WDHD1: variants seen among roughly 807,000 people sequenced by gnomAD.
WDHD1 encodes WD repeat and HMG-box DNA-binding protein 1.
In WDHD1, 111 loss-of-function variants were observed where a neutral mutation model predicts 135.4. That is an observed-to-expected ratio of 0.82 (90% CI 0.70 to 0.96). The LOEUF is 0.96. Among genes scored for constraint, WDHD1 ranks in the 40% least tolerant of loss-of-function variants. WDHD1 has a pLI of 0.00. For synonymous variants in WDHD1, 434 were observed against 439.0 expected, an observed-to-expected ratio of 0.99 and a Z score of 0.14; for missense variants, 1,351 against 1,336.3, an observed-to-expected ratio of 1.01 and a Z score of -0.17.
At chr14:54,977,386 A>G (rs1052606092) in intron 16 of WDHD1, among the ~76,000 whole-genome samples, 1 of 152,206 alleles carries the variant, frequency 6.6e-6, no homozygotes, top group Non-Finnish European at 1.5e-5. Flanking sequence ...ATTTGTAAAT[A>G]CAATTTTATA....
At chr14:55,017,671 G>T (rs1461060163) in intron 2 of WDHD1, among the ~76,000 whole-genome samples, 2 of 152,122 alleles carry the variant, frequency 1.3e-5, no homozygotes, top group East Asian at 3.9e-4. Flanking sequence ...ACTATATTAG[G>T]AAATCTGTGA....
At chr14:54,992,409 G>A (rs1483563996) in intron 11 of WDHD1, among the ~76,000 whole-genome samples, 1 of 152,160 alleles carries the variant, frequency 6.6e-6, no homozygotes, top group Non-Finnish European at 1.5e-5. Context: ...AGAATCACTT[G>A]TACCCAGAGG....
chr14:55,015,335 C>T (rs1332742813), intron 2 of WDHD1, among the ~76,000 whole-genome samples: 2 of 128,772 alleles, frequency 1.6e-5, no homozygotes, highest in Non-Finnish European at 1.6e-5. Context: ...TGCAGTGAGC[C>T]GAGATCGCAC....
chr14:54,995,114 T>C (rs1052534024), intron 11 of WDHD1, among the ~76,000 whole-genome samples: 3 of 152,162 alleles, frequency 2.0e-5, no homozygotes, highest in African/African-American at 4.8e-5. Flanking sequence ...CCTGAGTAGC[T>C]GGGATTACAG....
chr14:55,022,681 A>G (rs1201913885), intron 2 of WDHD1, among the ~76,000 whole-genome samples: 1 of 150,906 alleles, frequency 6.6e-6, no homozygotes, highest in Non-Finnish European at 1.5e-5. Flanking sequence ...CTCCATCTCA[A>G]AAAAACAAAA....
intron 7 of WDHD1, 46 bp downstream of exon 7, chr14:55,007,234 A>AT: frequency 3.3e-6 from 4 of 1,221,680 alleles, no homozygotes; most frequent in Admixed American, 2.5e-5. Context: ...TCTCTAATAA[A>AT]AAAAAAAAAA....
At chr14:55,002,640 C>T (rs1321689708) in intron 7 of WDHD1, among the ~76,000 whole-genome samples, 1 of 151,972 alleles carries the variant, frequency 6.6e-6, no homozygotes, top group Non-Finnish European at 1.5e-5. Context: ...CAGTCTTGCT[C>T]TGTCACCCAG....
intron 10 of WDHD1, among the ~76,000 whole-genome samples, chr14:54,997,631 G>A (rs2041905111): frequency 6.6e-6 from 1 of 152,114 alleles, no homozygotes; most frequent in Admixed American, 6.5e-5. Flanking sequence ...AAAATGGGGA[G>A]GCCGGGCATG....
At chr14:55,010,593 T>A in intron 3 of WDHD1, 133 bp from the exon 4 acceptor site, 1 of 785,420 alleles carries the variant, frequency 1.3e-6, no homozygotes, top group Non-Finnish European at 1.8e-6. Flanking sequence ...AAATTATCAC[T>A]AAATGTACAA....
intron 15 of WDHD1, among the ~76,000 whole-genome samples, chr14:54,982,637 A>T (rs949024465): frequency 1.3e-5 from 2 of 152,174 alleles, no homozygotes; most frequent in Non-Finnish European, 2.9e-5. Flanking sequence ...TGCAAACATT[A>T]GTTTCCGCAG....
chr14:55,017,536 T>C (rs1437301854), intron 2 of WDHD1, among the ~76,000 whole-genome samples: 2 of 152,070 alleles, frequency 1.3e-5, no homozygotes, highest in East Asian at 3.9e-4. Context: ...AGAGATGGGG[T>C]TTCACCATGT....
chr14:54,972,090 G>C (rs1485161142), intron 16 of WDHD1, among the ~76,000 whole-genome samples: 1 of 151,910 alleles, frequency 6.6e-6, no homozygotes, highest in East Asian at 1.9e-4. Flanking sequence ...GGCTAACACA[G>C]TGAAACCCTG....
At position 55,018,684 on chromosome 14, in the gene WDHD1, T is replaced by G. The variant is rs151005525; in HGVS notation, c.78-5088A>C. On this transcript the variant is annotated intron_variant, in intron 2 of 25. Coordinates refer to ENST00000360586, the MANE Select transcript of WDHD1 (RefSeq NM_007086.4). The stretch of plus-strand genomic sequence containing the variant: ...TTCAATTAAAACAAATTCTTAAAAA[T>G]TATGACTCTCCCAGCTAGTAGAATT... Among the ~76,000 whole-genome samples, 1,419 of 152,334 alleles carry G rather than the reference T, an allele frequency of 9.3e-3. 31 individuals are homozygous for G. The highest frequency in any genetic ancestry group is 0.032 in the African/African-American group (1,340 of 41,576).
Position 54,941,430 on chromosome 14 carries a change from G to C in WDHD1, c.*60C>G. The C allele has an allele frequency of 7.1e-7, 1 of 1,405,992 alleles. No homozygotes were observed. The highest frequency in any genetic ancestry group is 9.7e-7 in the Non-Finnish European group (1 of 1,030,092). The allele number at this position is 1,405,992 out of a possible 1,614,324, so 87.1% of individuals were successfully genotyped here. The stretch of plus-strand genomic sequence containing the variant: ...TATAATGAGTTTCCCAAAGACTCGA[G>C]TCTATATTCAAAGATGAGTAAAAAA... On this transcript the variant is annotated 3_prime_UTR_variant, in exon 26 of 26. Coordinates refer to ENST00000360586, the MANE Select transcript of WDHD1 (RefSeq NM_007086.4).
chr14:54,967,470 A>G lies in WDHD1; in HGVS notation c.2064-76T>C, dbSNP rs936735640. 3.1e-6 allele frequency: 3 copies of G among 978,304 alleles called. No individual in the cohort carries two copies. The African/African-American group carries it at 5.0e-5, about 16-fold the overall frequency. The allele number at this position is 978,304 out of a possible 1,614,324, so 60.6% of individuals were successfully genotyped here. A position where few individuals can be genotyped will look rare whatever the true frequency, so the allele number is the denominator to read the frequency against. On this transcript the variant is annotated intron_variant, in intron 16 of 25. Coordinates refer to ENST00000360586, the MANE Select transcript of WDHD1 (RefSeq NM_007086.4). Reference sequence around the variant, plus strand: ...AACTACAAAATTTAAAAAGTTTTCAAAAGTTAGTAACTTAGAATAGTAATA... The same window carrying G: ...AACTACAAAATTTAAAAAGTTTTCAGAAGTTAGTAACTTAGAATAGTAATA...
intron 2 of WDHD1, among the ~76,000 whole-genome samples, chr14:55,024,214 A>G (rs780255746): frequency 1.1e-4 from 16 of 152,194 alleles, no homozygotes; most frequent in Non-Finnish European, 2.1e-4. Flanking sequence ...TCTGAGCTTG[A>G]GACACAATTA....
At chr14:55,020,871 T>C (rs2042334371) in intron 2 of WDHD1, among the ~76,000 whole-genome samples, 3 of 152,164 alleles carry the variant, frequency 2.0e-5, no homozygotes, top group South Asian at 4.1e-4. Context: ...TACAGCAATA[T>C]AGAGAAAAAA....
In WDHD1 at chr14:55,027,079, C is replaced by A. The variant is rs1004309832; in HGVS notation, c.-68G>T. 2.6e-6 allele frequency: 1 copy of A among 391,938 alleles called. No individual in the cohort carries two copies. The allele number at this position is 391,938 out of a possible 1,614,324, so 24.3% of individuals were successfully genotyped here. On this transcript the variant is annotated 5_prime_UTR_variant, in exon 1 of 26. Coordinates refer to ENST00000360586, the MANE Select transcript of WDHD1 (RefSeq NM_007086.4). ...GGATCCACAAGAGCTGCTTCCCGCG[C>A]TTCGGCTCGCTCACCACACTGCGCC...
In WDHD1 at chr14:54,989,120, T is replaced by C. The variant is rs1566729263; in HGVS notation, c.1434A>G (p.Ala478=). The C allele has an allele frequency of 6.2e-7, 1 of 1,613,802 alleles. No individual in the cohort carries two copies. The highest frequency in any genetic ancestry group is 8.5e-7 in the Non-Finnish European group (1 of 1,179,844). ...VEFHDTSIHH[A]THLSNTLNYT... is the part of the protein sequence containing the mutation. ...AATTCAAAGTGTTTGATAAGTGTGT[T>C]GCATGGTGTATGGAGGTATCATGGA... The change falls in exon 13 of 26, where the codon GCA becomes GCG. Residue 478 remains alanine, a synonymous_variant. Transcript: ENST00000360586.
Sources: gnomAD v4.1 joint callset for allele counts (sites outside exome capture counted in the v4.1 genomes callset) on GRCh38, gnomAD v4.1.1 for gene constraint, MANE v1.5 for transcripts, NCBI Gene and HGNC (gene_info 2026-07-23, HGNC 2026-07-21) for gene names.